Variants in PLCL1 observed in about 807,000 individuals in gnomAD.
PLCL1 encodes inactive phospholipase C-like protein 1.
PLCL1 carries 41 observed loss-of-function variants against 84.4 expected under a neutral mutation model. The ratio of observed to expected loss-of-function variants is 0.49; its 90% CI spans 0.38 to 0.63. The LOEUF (loss-of-function observed/expected upper bound fraction) is 0.63, where lower values mean the gene tolerates loss of function less well. Among genes scored for constraint, PLCL1 ranks in the 30% least tolerant of loss-of-function variants. The pLI is 0.00. For missense variants in PLCL1, 1,206 were observed against 1,367.8 expected, an observed-to-expected ratio of 0.88 and a Z score of 1.87; for synonymous variants, 490 against 488.3, an observed-to-expected ratio of 1.00 and a Z score of -0.05.
intron 5 of PLCL1, among the ~76,000 whole-genome samples, chr2:198,129,922 G>A (rs781246643): frequency 3.9e-5 from 6 of 152,022 alleles, no homozygotes; most frequent in Non-Finnish European, 8.8e-5. Context: ...AAAATCTCAT[G>A]GACACTTTTC....
At chr2:198,086,696 A>G (rs1692893083) in intron 2 of PLCL1, among the ~76,000 whole-genome samples, 1 of 152,218 alleles carries the variant, frequency 6.6e-6, no homozygotes, top group Non-Finnish European at 1.5e-5. Context: ...GTGATAAAAC[A>G]GATATATTTT....
intron 1 of PLCL1, among the ~76,000 whole-genome samples, chr2:197,855,870 C>T (rs941610279): frequency 2.6e-5 from 4 of 152,104 alleles, no homozygotes; most frequent in Non-Finnish European, 5.9e-5. Flanking sequence ...GGAGAAACAT[C>T]CTGGTTAACC....
At chr2:197,931,326 A>G (rs1688927026) in intron 1 of PLCL1, among the ~76,000 whole-genome samples, 1 of 152,174 alleles carries the variant, frequency 6.6e-6, no homozygotes, top group African/African-American at 2.4e-5. Flanking sequence ...TATCATTTAT[A>G]GTGCTCTGAG....
intron 1 of PLCL1, among the ~76,000 whole-genome samples, chr2:197,896,102 G>C (rs1463192966): frequency 6.6e-6 from 1 of 151,956 alleles, no homozygotes; most frequent in Non-Finnish European, 1.5e-5. Flanking sequence ...CTGTAACTTT[G>C]ACCTAGTAGT....
chr2:197,998,137 C>T (rs1480072950), intron 1 of PLCL1, among the ~76,000 whole-genome samples: 1 of 147,982 alleles, frequency 6.8e-6, no homozygotes, highest in Admixed American at 6.7e-5. Flanking sequence ...CCTATTTATT[C>T]AGTTTTTCCT....
intron 1 of PLCL1, among the ~76,000 whole-genome samples, chr2:197,853,246 A>G (rs1574913513): frequency 6.6e-6 from 1 of 152,118 alleles, no homozygotes; most frequent in East Asian, 1.9e-4. Flanking sequence ...TATGTACCAT[A>G]TTTTGTTTAT....
intron 1 of PLCL1, among the ~76,000 whole-genome samples, chr2:198,058,802 T>G (rs982971084): frequency 6.6e-6 from 1 of 152,190 alleles, no homozygotes; most frequent in African/African-American, 2.4e-5. Flanking sequence ...CTTTATTTTA[T>G]TTTATTCTAT....
At chr2:197,917,974 T>C (rs1243445710) in intron 1 of PLCL1, among the ~76,000 whole-genome samples, 1 of 151,762 alleles carries the variant, frequency 6.6e-6, no homozygotes, top group East Asian at 1.9e-4. Flanking sequence ...GATCCGTGAG[T>C]CCATACTGAT....
intron 1 of PLCL1, among the ~76,000 whole-genome samples, chr2:198,070,006 G>T (rs964912489): frequency 3.3e-5 from 5 of 152,114 alleles, no homozygotes; most frequent in Non-Finnish European, 7.4e-5. Context: ...GTGTTGCGGG[G>T]CGGAATGCAA....
At chr2:198,110,677 A>T (rs1693597542) in intron 5 of PLCL1, among the ~76,000 whole-genome samples, 1 of 151,888 alleles carries the variant, frequency 6.6e-6, no homozygotes, top group Non-Finnish European at 1.5e-5. Context: ...ATTTAAAATC[A>T]TTCTATGAGA....
chr2:198,044,621 A>G (rs1691744123), intron 1 of PLCL1, among the ~76,000 whole-genome samples: 1 of 152,238 alleles, frequency 6.6e-6, no homozygotes, highest in Non-Finnish European at 1.5e-5. Context: ...ATTGCAAATT[A>G]TGATTAATTT....
intron 1 of PLCL1, among the ~76,000 whole-genome samples, chr2:197,940,340 T>C (rs1689134977): frequency 6.6e-6 from 1 of 152,210 alleles, no homozygotes; most frequent in Admixed American, 6.5e-5. Context: ...GTGAAGAAAC[T>C]GACACTTTAA....
chr2:197,967,194 GTTTA>G (rs1028739179), intron 1 of PLCL1, among the ~76,000 whole-genome samples: 1 of 151,332 alleles, frequency 6.6e-6, no homozygotes, highest in African/African-American at 2.4e-5. Flanking sequence ...TACATTAGCA[GTTTA>G]TTTATTTATT....
At chr2:198,098,145 G>GTT (rs1693246551) in intron 3 of PLCL1, among the ~76,000 whole-genome samples, 1 of 152,140 alleles carries the variant, frequency 6.6e-6, no homozygotes, top group South Asian at 2.1e-4. Flanking sequence ...TAGAAGGAAA[G>GTT]TAAGAGCTAG....
intron 1 of PLCL1, among the ~76,000 whole-genome samples, chr2:197,900,558 T>C (rs1688244543): frequency 6.6e-6 from 1 of 152,196 alleles, no homozygotes; most frequent in African/African-American, 2.4e-5. Context: ...GAAAGAATAG[T>C]CCTTGGACCT....
intron 1 of PLCL1, among the ~76,000 whole-genome samples, chr2:197,897,176 T>C (rs377716342): frequency 0.24 from 10,453 of 42,670 alleles, 1,278 homozygotes; most frequent in African/African-American, 0.3. Context: ...TTCTTCTTCT[T>C]CTTCTTCTTC....
intron 1 of PLCL1, among the ~76,000 whole-genome samples, chr2:198,002,795 C>T (rs777385026): frequency 6.6e-6 from 1 of 152,156 alleles, no homozygotes; most frequent in Non-Finnish European, 1.5e-5. Context: ...CTTGTGGGAC[C>T]TGTATTCTGC....
chr2:197,920,957 A>G (rs1367772875), intron 1 of PLCL1, among the ~76,000 whole-genome samples: 1 of 152,260 alleles, frequency 6.6e-6, no homozygotes, highest in Non-Finnish European at 1.5e-5. Flanking sequence ...ATGTGTCGCT[A>G]ACGACAGGGC....
At chr2:198,079,562 G>A (rs553371959) in intron 1 of PLCL1, among the ~76,000 whole-genome samples, 12 of 152,122 alleles carry the variant, frequency 7.9e-5, no homozygotes, top group African/African-American at 2.9e-4. Context: ...TCAATCTTGT[G>A]TTGTTTTAAC....
Sources: gnomAD v4.1 joint callset for allele counts (sites outside exome capture counted in the v4.1 genomes callset) on GRCh38, gnomAD v4.1.1 for gene constraint, MANE v1.5 for transcripts, NCBI Gene and HGNC (gene_info 2026-07-23, HGNC 2026-07-21) for gene names.